Variants in CALN1 observed in about 807,000 individuals in gnomAD.
The protein encoded by CALN1 is calneuron 1.
In CALN1, 17 loss-of-function variants were observed where a neutral mutation model predicts 30.6. The observed-to-expected ratio is 0.56, with a 90% CI of 0.38 to 0.83. The LOEUF is 0.83. Among genes scored for constraint, CALN1 ranks in the 40% least tolerant of loss-of-function variants. The pLI, the probability that CALN1 is intolerant of heterozygous loss-of-function variation, is 0.00. For missense variants in CALN1, 291 were observed against 354.9 expected, an observed-to-expected ratio of 0.82 and a Z score of 1.45; for synonymous variants, 156 against 131.4, an observed-to-expected ratio of 1.19 and a Z score of -1.28.
intron 1 of CALN1, among the ~76,000 whole-genome samples, chr7:72,426,212 C>T (rs1222812984): frequency 6.6e-6 from 1 of 152,248 alleles, no homozygotes; most frequent in East Asian, 1.9e-4. Context: ...CAGGCCCAGC[C>T]CAGCCCAAGG....
chr7:72,325,237 G>GCAGTGAGCCA (rs1488152583), intron 2 of CALN1, among the ~76,000 whole-genome samples: 1 of 152,188 alleles, frequency 6.6e-6, no homozygotes, highest in Non-Finnish European at 1.5e-5. Context: ...AGTTGAGGCT[G>GCAGTGAGCCA]CAGTGAGCCA....
chr7:71,932,128 A>T (rs1795586999), intron 5 of CALN1, among the ~76,000 whole-genome samples: 1 of 152,088 alleles, frequency 6.6e-6, no homozygotes. Flanking sequence ...TGCTTTGGAG[A>T]GTGGTTCTGG....
intron 3 of CALN1, among the ~76,000 whole-genome samples, chr7:72,149,911 C>T (rs1336625048): frequency 2.0e-5 from 3 of 151,668 alleles, no homozygotes; most frequent in Non-Finnish European, 4.4e-5. Context: ...GTCAGGAATT[C>T]GAGACCAGCC....
At chr7:71,821,558 C>T (rs756520991) in intron 5 of CALN1, among the ~76,000 whole-genome samples, 57 of 152,174 alleles carry the variant, frequency 3.7e-4, no homozygotes, top group Non-Finnish European at 7.8e-4. Context: ...AAACTGCCTC[C>T]AGGATTCTAT....
At chr7:72,097,416 A>C (rs1245644504) in intron 4 of CALN1, among the ~76,000 whole-genome samples, 1 of 152,208 alleles carries the variant, frequency 6.6e-6, no homozygotes, top group Non-Finnish European at 1.5e-5. Flanking sequence ...GAGATCACCC[A>C]AACAGCTGCT....
chr7:72,467,807 C>T, the CALN1 span, among the ~76,000 whole-genome samples: 1 of 152,196 alleles, frequency 6.6e-6, no homozygotes, highest in Non-Finnish European at 1.5e-5. Context: ...AGTACATCCA[C>T]CTCTACCTGG....
chr7:72,232,006 T>C (rs1306311781), intron 3 of CALN1, among the ~76,000 whole-genome samples: 1 of 152,076 alleles, frequency 6.6e-6, no homozygotes, highest in Non-Finnish European at 1.5e-5. Context: ...AGGTGTGAAA[T>C]GTGTGTTGGG....
chr7:72,391,075 A>T (rs879554454), intron 2 of CALN1, among the ~76,000 whole-genome samples: 10 of 152,204 alleles, frequency 6.6e-5, no homozygotes, highest in Non-Finnish European at 1.2e-4. Flanking sequence ...TCTGATTTAT[A>T]TACATATGCT....
chr7:72,377,081 G>C (rs971392839), intron 2 of CALN1, among the ~76,000 whole-genome samples: 7 of 152,124 alleles, frequency 4.6e-5, no homozygotes, highest in Admixed American at 4.6e-4. Flanking sequence ...ACACTGTTTT[G>C]ACTACTGTAG....
chr7:72,273,661 G>A (rs1269238988), intron 3 of CALN1, among the ~76,000 whole-genome samples: 1 of 151,832 alleles, frequency 6.6e-6, no homozygotes, highest in African/African-American at 2.4e-5. Flanking sequence ...GGGGACTACA[G>A]GCATGCACCA....
At chr7:72,293,962 A>T (rs1055622351) in intron 2 of CALN1, among the ~76,000 whole-genome samples, 5 of 151,950 alleles carry the variant, frequency 3.3e-5, no homozygotes, top group Non-Finnish European at 7.4e-5. Context: ...GCCAGGCATC[A>T]TGGTGCACAC....
intron 2 of CALN1, among the ~76,000 whole-genome samples, chr7:72,289,717 A>G (rs1428844210): frequency 6.6e-6 from 1 of 152,144 alleles, no homozygotes; most frequent in East Asian, 1.9e-4. Context: ...TAGCAAAATG[A>G]TTAGGAAGTG....
intron 4 of CALN1, among the ~76,000 whole-genome samples, chr7:72,074,355 C>T (rs1804595583): frequency 6.6e-6 from 1 of 152,164 alleles, no homozygotes; most frequent in Non-Finnish European, 1.5e-5. Context: ...CCTCTCAGGG[C>T]CACCTCAATG....
chr7:72,233,996 G>A (rs913143192), intron 3 of CALN1, among the ~76,000 whole-genome samples: 20 of 152,142 alleles, frequency 1.3e-4, no homozygotes, highest in Admixed American at 1.0e-3. Context: ...AGAGCAAGAT[G>A]TTGTCTCAAA....
At position 71,984,526 on chromosome 7, in the gene CALN1, C is replaced by T. The variant is rs556376204; in HGVS notation, c.501+39131G>A. ...ACTTGCCCCCACGCACTGGAGAGAACATTTGGACCATGCTGACTGGTTCCA... is the reference window on the plus strand; with the variant it reads ...ACTTGCCCCCACGCACTGGAGAGAATATTTGGACCATGCTGACTGGTTCCA... On this transcript the variant is annotated intron_variant, in intron 5 of 6. Coordinates refer to ENST00000395275, the MANE Select transcript of CALN1 (RefSeq NM_031468.4). Among the ~76,000 whole-genome samples the T allele has an allele frequency of 4.2e-4, 64 of 152,284 alleles. No individual in the cohort carries two copies. In the South Asian group the frequency reaches 0.011, roughly 26 times the overall value.
intron 5 of CALN1, among the ~76,000 whole-genome samples, chr7:72,017,440 T>G (rs74571026): frequency 6.6e-6 from 1 of 152,028 alleles, no homozygotes; most frequent in Non-Finnish European, 1.5e-5. Context: ...CCCAACCAAA[T>G]TGGGGAACGA....
At chr7:72,285,595 A>C (rs375495706) in intron 2 of CALN1, among the ~76,000 whole-genome samples, 12 of 152,232 alleles carry the variant, frequency 7.9e-5, no homozygotes, top group African/African-American at 2.9e-4. Flanking sequence ...ACTAAAAAAA[A>C]TTAAAACTGG....
intron 2 of CALN1, among the ~76,000 whole-genome samples, chr7:72,323,668 A>AT (rs1554370580): frequency 2.5e-4 from 37 of 150,960 alleles, no homozygotes; most frequent in African/African-American, 6.8e-4. Context: ...TCTCAAAAAA[A>AT]AAAAAATAAA....
rs573059019 is a variant in CALN1, at chr7:72,249,906, C to T, written c.244+28780G>A. 2.0e-5 allele frequency among the ~76,000 whole-genome samples: 3 copies of T among 147,516 alleles called. No individual in the cohort carries two copies. The South Asian group carries it at 6.5e-4, about 32-fold the overall frequency. ...GAGCCAAGATCACACCACTGCACTC[C>T]AGCCTGGGTGACAGAGTGAGACCCT... On this transcript the variant is annotated intron_variant, in intron 3 of 6. Transcript: ENST00000395275.
Sources: allele counts gnomAD v4.1 joint callset (sites outside exome capture counted in the v4.1 genomes callset), GRCh38; gene constraint gnomAD v4.1.1; transcripts MANE v1.5; gene names NCBI Gene and HGNC (gene_info 2026-07-23, HGNC 2026-07-21).